ACOT6: variants seen among roughly 807,000 people sequenced by gnomAD.
ACOT6 encodes the protein acyl-CoA thioesterase 6, also known as acyl-coenzyme A thioesterase 6.
In ACOT6, 14 loss-of-function variants were observed where a neutral mutation model predicts 12.3. The observed-to-expected ratio is 1.14, with a 90% confidence interval of 0.75 to 1.78. The LOEUF is 1.78. Among genes scored for constraint, ACOT6 ranks in the 40% most tolerant of loss-of-function variants. ACOT6 has a pLI of 0.00. For synonymous variants in ACOT6, 218 were observed against 231.3 expected (o/e 0.94, Z 0.52); for missense variants, 523 against 551.8 (o/e 0.95, Z 0.52).
intron 2 of ACOT6, among the ~76,000 whole-genome samples, chr14:73,618,160 A>G (rs528088687): frequency 6.6e-6 from 1 of 152,226 alleles, no homozygotes; most frequent in African/African-American, 2.4e-5. Context: ...AAACCCAACA[A>G]CAACAACGAC....
In ACOT6 at chr14:73,619,431, G is replaced by GTCA. The variant is rs1483730279; in HGVS notation, c.859_861dup (p.Ser287dup). The GTCA allele has an allele frequency of 6.2e-7, 1 of 1,614,150 alleles. No individual in the cohort carries two copies. The highest frequency in any genetic ancestry group is 2.2e-5 in the East Asian group (1 of 44,878). On this transcript the variant is annotated inframe_insertion, in exon 3 of 3. Coordinates refer to ENST00000645972, the MANE Select transcript of ACOT6 (RefSeq NM_001365788.1). ...ATCTAGGAAAAGTAAAAATCACTAAGTCAGGATTTCTCACTTTTATGGACA... is the reference window on the plus strand; with the variant it reads ...ATCTAGGAAAAGTAAAAATCACTAAGTCATCAGGATTTCTCACTTTTATGGACA...
Position 73,619,667 on chromosome 14 carries a change from C to T in ACOT6, c.1094C>T (p.Pro365Leu), listed in dbSNP as rs968820833. 1 of 1,614,042 alleles carries T rather than the reference C, an allele frequency of 6.2e-7. No individual in the cohort carries two copies. The highest frequency in any genetic ancestry group is 1.3e-5 in the African/African-American group (1 of 74,926). ...YPETGHCIDP[P>L]YFPPSRASVH... ...GAAACTGGTCACTGTATTGACCCAC[C>T]TTATTTTCCTCCTTCTAGAGCTTCT... The change falls in exon 3 of 3, where the codon CCT becomes CTT. Residue 365 changes from proline (P) to leucine (L), a missense_variant. Pro to Leu is a moderately conservative substitution (Grantham distance 98). Transcript: ENST00000645972.
chr14:73,615,628 G>C (rs1236555105), intron 1 of ACOT6, among the ~76,000 whole-genome samples: 2 of 151,986 alleles, frequency 1.3e-5, no homozygotes, highest in African/African-American at 4.8e-5. Flanking sequence ...TACTCGGGAG[G>C]CTGAGGCAGG....
chr14:73,612,500 C>A (rs976067223), upstream of ACOT6: 3 of 1,042,584 alleles, frequency 2.9e-6, no homozygotes, highest in Non-Finnish European at 2.5e-6. Flanking sequence ...TACTTTCCAG[C>A]GCTCGGCAAA....
chr14:73,613,802 G>A (rs1890488853), intron 1 of ACOT6, among the ~76,000 whole-genome samples: 1 of 152,216 alleles, frequency 6.6e-6, no homozygotes, highest in Non-Finnish European at 1.5e-5. Context: ...CCTAGTCTAA[G>A]TAAACACAGG....
At chr14:73,614,822 C>T (rs1056721377) in intron 1 of ACOT6, among the ~76,000 whole-genome samples, 7 of 151,456 alleles carry the variant, frequency 4.6e-5, no homozygotes, top group African/African-American at 7.3e-5. Flanking sequence ...AGGAGCCGGG[C>T]GCAGTGGCTC....
chr14:73,612,259 T>G (rs1890455412), upstream of ACOT6, among the ~76,000 whole-genome samples: 1 of 152,168 alleles, frequency 6.6e-6, no homozygotes, highest in African/African-American at 2.4e-5. Flanking sequence ...AGGCTGGTCT[T>G]GAACTCCTAA....
chr14:73,612,864 T>C lies in ACOT6; in HGVS notation c.293T>C (p.Val98Ala). The C allele has an allele frequency of 7.1e-7, 1 of 1,405,462 alleles. No homozygotes were observed. The highest frequency in any genetic ancestry group is 9.5e-7 in the Non-Finnish European group (1 of 1,052,632). The allele number at this position is 1,405,462 out of a possible 1,614,324, so 87.1% of individuals were successfully genotyped here. ...KALVRLVKRD[V>A]RTPFAVELEV... is the part of the protein sequence containing the mutation. Reference sequence around the variant, plus strand: ...TTGGTGCGGCTGGTGAAGCGCGACGTGCGGACGCCCTTCGCCGTGGAGCTG... The same window carrying C: ...TTGGTGCGGCTGGTGAAGCGCGACGCGCGGACGCCCTTCGCCGTGGAGCTG... The change falls in exon 1 of 3, where the codon GTG (valine) becomes GCG (alanine). Residue 98 changes from valine (V) to alanine (A), a missense_variant. By Grantham distance (64) the Val-to-Ala change is moderately conservative (BLOSUM62 0). Transcript: ENST00000645972.
intron 2 of ACOT6, among the ~76,000 whole-genome samples, chr14:73,618,463 C>T (rs191420489): frequency 2.0e-5 from 3 of 151,328 alleles, no homozygotes; most frequent in Non-Finnish European, 2.9e-5. Flanking sequence ...TTAAGGTCCA[C>T]GAAGGAGCCA....
intron 1 of ACOT6, among the ~76,000 whole-genome samples, chr14:73,613,707 G>T (rs960350504): frequency 2.6e-5 from 4 of 152,130 alleles, no homozygotes; most frequent in Non-Finnish European, 5.9e-5. Context: ...CAGAGATGCT[G>T]CTAAACATTC....
intron 1 of ACOT6, among the ~76,000 whole-genome samples, chr14:73,614,755 A>C: frequency 6.6e-6 from 1 of 151,166 alleles, no homozygotes; most frequent in South Asian, 2.1e-4. Context: ...TCAAAAAAAA[A>C]AAAAAAAAAA....
At chr14:73,616,965 C>T in intron 1 of ACOT6, 29 bp from the exon 2 acceptor site, 1 of 629,430 alleles carries the variant, frequency 1.6e-6, no homozygotes, top group Non-Finnish European at 2.8e-6. Flanking sequence ...AACTAAAGCT[C>T]CCTGTGATTT....
At chr14:73,612,386 G>A (rs933761406), upstream of ACOT6, 11 of 424,266 alleles carry the variant, frequency 2.6e-5, no homozygotes, top group Non-Finnish European at 2.4e-5. Context: ...CTTTCATTTG[G>A]GACACTGGTG....
chr14:73,612,032 T>G (rs1051965454), upstream of ACOT6, among the ~76,000 whole-genome samples: 3 of 151,918 alleles, frequency 2.0e-5, no homozygotes, highest in Admixed American at 2.0e-4. Flanking sequence ...ATTGCAGGAA[T>G]AGTCATTAAC....
intron 1 of ACOT6, among the ~76,000 whole-genome samples, chr14:73,615,522 G>C (rs2139998653): frequency 6.6e-6 from 1 of 151,638 alleles, no homozygotes; most frequent in South Asian, 2.1e-4. Flanking sequence ...TCTGAGGTCA[G>C]GAGTTTGAGA....
In ACOT6 at chr14:73,612,782, A is replaced by G. The variant is rs12587206; in HGVS notation, c.211A>G (p.Ser71Gly). 12,151 of 1,361,812 alleles carry G rather than the reference A, an allele frequency of 8.9e-3. 75 individuals are homozygous for G. Among genetic ancestry groups the G allele is most frequent in the Admixed American group, 0.015 (397 of 25,704 alleles). 84.4% of individuals were successfully genotyped at this position (1,361,812 alleles called of 1,614,324 possible). Residue 71 changes from serine (S) to glycine (G), a missense_variant, in exon 1 of 3, where the codon AGC becomes GGC. Ser to Gly is a moderately conservative substitution (Grantham distance 56). Coordinates refer to ENST00000645972, the MANE Select transcript of ACOT6 (RefSeq NM_001365788.1). ...GGAGCGCGCGCCCGCGCTGGGAGGC[A>G]GCTTCGCGGGGCTCCAGCCCATGGG... ...DLERAPALGG[S>G]FAGLQPMGLL...
chr14:73,611,064 G>A (rs1890439167), upstream of ACOT6: 1 of 152,200 alleles, frequency 6.6e-6, no homozygotes, highest in African/African-American at 2.4e-5. Context: ...TCCAGTTCAT[G>A]TAAATTGTTG....
At chr14:73,615,215 G>T (rs1890513541) in intron 1 of ACOT6, among the ~76,000 whole-genome samples, 1 of 149,366 alleles carries the variant, frequency 6.7e-6, no homozygotes, top group South Asian at 2.1e-4. Context: ...GTGAAACCCT[G>T]TCTCTACTAA....
upstream of ACOT6, among the ~76,000 whole-genome samples, chr14:73,611,958 A>C (rs937956821): frequency 1.3e-5 from 2 of 151,750 alleles, no homozygotes; most frequent in African/African-American, 4.8e-5. Flanking sequence ...CTTGGACTGT[A>C]TCTCTCTCAA....
Sources: allele counts gnomAD v4.1 joint callset (sites outside exome capture counted in the v4.1 genomes callset), GRCh38; gene constraint gnomAD v4.1.1; transcripts MANE v1.5; gene names NCBI Gene and HGNC (gene_info 2026-07-23, HGNC 2026-07-21).